Variants in CCAR2 observed in about 807,000 individuals in gnomAD.
CCAR2 encodes the protein cell cycle and apoptosis regulator protein 2.
CCAR2 carries 21 observed loss-of-function variants against 108.1 expected under a neutral mutation model. That is an observed-to-expected ratio of 0.19 (90% confidence interval 0.14 to 0.28). The LOEUF is 0.28. Among genes scored for constraint, CCAR2 ranks in the 10% least tolerant of loss-of-function variants. The pLI is 1.00. For synonymous variants in CCAR2, 577 were observed against 472.8 expected, an observed-to-expected ratio of 1.22 and a Z score of -2.86; for missense variants, 1,126 against 1,177.0, an observed-to-expected ratio of 0.96 and a Z score of 0.63.
Position 22,605,750 on chromosome 8 carries a change from C to T in CCAR2, c.-24C>T, listed in dbSNP as rs1262357406. 6.2e-7 allele frequency: 1 copy of T among 1,610,164 alleles called. No homozygotes were observed. Among genetic ancestry groups the T allele is most frequent in the African/African-American group, 1.3e-5 (1 of 74,784 alleles). ...TTGGATTGAAGCCTTTTCCCCACGA[C>T]TCTGAAAGAGGACAGCGTTCCCAAT... On this transcript the variant is annotated 5_prime_UTR_variant, in exon 2 of 21. Coordinates refer to ENST00000308511, the MANE Select transcript of CCAR2 (RefSeq NM_001393997.1).
In CCAR2 at chr8:22,607,253, C is replaced by G; in HGVS notation, c.415C>G (p.Gln139Glu). The G allele has an allele frequency of 6.2e-7, 1 of 1,613,980 alleles. No homozygotes were observed. The highest frequency in any genetic ancestry group is 8.5e-7 in the Non-Finnish European group (1 of 1,180,020). The change falls in exon 6 of 21, where the codon CAA becomes GAA. Residue 139 changes from glutamine (Q) to glutamate (E), a missense_variant. By Grantham distance (29) the Gln-to-Glu change is conservative (BLOSUM62 2). Coordinates refer to ENST00000308511, the MANE Select transcript of CCAR2 (RefSeq NM_001393997.1). ...LLHVAALGQK[Q>E]GILGAQPQLI... ...GCATGTAGCAGCCCTGGGCCAGAAGCAAGGGATCCTGGGAGCTCAGCCTCA... is the reference window on the plus strand; with the variant it reads ...GCATGTAGCAGCCCTGGGCCAGAAGGAAGGGATCCTGGGAGCTCAGCCTCA...
chr8:22,606,231 G>A (rs1376352361), intron 3 of CCAR2, 55 bp downstream of exon 3: 2 of 1,329,036 alleles, frequency 1.5e-6, no homozygotes, highest in Non-Finnish European at 2.2e-6. Context: ...AATGCATGGA[G>A]GCCTGGTGCT....
chr8:22,607,596 TA>T (rs1256384381), intron 6 of CCAR2, among the ~76,000 whole-genome samples: 1 of 151,434 alleles, frequency 6.6e-6, no homozygotes, highest in African/African-American at 2.4e-5. Context: ...GCTTCCCCCG[TA>T]GCTGGGATTA....
chr8:22,606,398 C>G (rs1346779508), intron 3 of CCAR2, among the ~76,000 whole-genome samples: 2 of 152,172 alleles, frequency 1.3e-5, no homozygotes, highest in Middle Eastern at 3.2e-3. Flanking sequence ...ACTGGAAATC[C>G]CAGAAGAAGC....
chr8:22,608,470 C>T (rs1161754734), intron 7 of CCAR2, among the ~76,000 whole-genome samples: 1 of 152,178 alleles, frequency 6.6e-6, no homozygotes, highest in Non-Finnish European at 1.5e-5. Flanking sequence ...TAAAACGTTT[C>T]TTTATAGACA....
rs146405289 is a variant in CCAR2 at position 22,607,534 on chromosome 8, C to T, written c.487+209C>T. 9.4e-3 allele frequency among the ~76,000 whole-genome samples: 1,341 copies of T among 143,176 alleles called. 15 individuals carry two copies. Among genetic ancestry groups the T allele is most frequent in the African/African-American group, 0.033 (1,264 of 38,462 alleles). 93.9% of individuals were successfully genotyped at this position (143,176 alleles called of 152,430 possible). A position where few individuals can be genotyped will look rare whatever the true frequency, so the allele number is the denominator to read the frequency against. On this transcript the variant is annotated intron_variant, in intron 6 of 20. Transcript: ENST00000308511. ...CCAGGCTGGAGTGCAATGACACGAT[C>T]TCGGCTCATTGCAACCTCTGCCTCC...
At chr8:22,616,308 C>T (rs988736130) in intron 14 of CCAR2, 60 bp downstream of exon 14, 14 of 1,520,938 alleles carry the variant, frequency 9.2e-6, no homozygotes, top group Admixed American at 3.4e-5. Context: ...ACCTTTACCC[C>T]GGGCTCTGTT....
intron 7 of CCAR2, among the ~76,000 whole-genome samples, chr8:22,612,311 A>C (rs915983573): frequency 6.7e-6 from 1 of 150,322 alleles, no homozygotes; most frequent in African/African-American, 2.5e-5. Flanking sequence ...CTCTGTCACC[A>C]GGCTGGAGTG....
Position 22,614,372 on chromosome 8 carries a change from G to GGC in CCAR2, c.928-18_928-17insGC. 3 of 1,613,980 alleles carry GGC rather than the reference G, an allele frequency of 1.9e-6. No homozygotes were observed. The highest frequency in any genetic ancestry group is 2.5e-6 in the Non-Finnish European group (3 of 1,179,842). On this transcript the variant is annotated splice_polypyrimidine_tract_variant and intron_variant, in intron 9 of 20. Coordinates refer to ENST00000308511, the MANE Select transcript of CCAR2 (RefSeq NM_001393997.1). ...TTCTGGAGGCTGAAGGCAGCTCTGA[G>GGC]TGTCTCCTCCTGCACAGGTACTGCT... is the stretch of plus-strand genomic sequence containing the variant.
rs990147823 is a variant in CCAR2, at chr8:22,619,781, A to T, written c.*99A>T. On this transcript the variant is annotated 3_prime_UTR_variant, in exon 21 of 21. Transcript: ENST00000308511. The stretch of plus-strand genomic sequence containing the variant: ...GAAAGCAGCGAGAGCGAGACCTGGG[A>T]GCCAGGGCAGGGGTGGCTGACCCCA... 3 of 1,350,356 alleles carry T rather than the reference A, an allele frequency of 2.2e-6. No individual in the cohort carries two copies. The highest frequency in any genetic ancestry group is 5.0e-5 in the East Asian group (2 of 39,900). The allele number at this position is 1,350,356 out of a possible 1,614,324, so 83.6% of individuals were successfully genotyped here.
rs201435149 is a variant in CCAR2 at position 22,606,202 on chromosome 8, G to C, written c.150+26G>C. On this transcript the variant is annotated intron_variant, in intron 3 of 20. Coordinates refer to ENST00000308511, the MANE Select transcript of CCAR2 (RefSeq NM_001393997.1). The stretch of plus-strand genomic sequence containing the variant: ...GTAGGTTCGGCATCCCTTGTAGTAA[G>C]TTTCAGCCCTTGGGACTGAATGCAT... The C allele has an allele frequency of 5.7e-5, 90 of 1,569,686 alleles. 1 individual carries two copies. The Middle Eastern group carries it at 1.0e-3, about 17-fold the overall frequency.
chr8:22,619,422 G>T (rs1332204421), intron 20 of CCAR2, 67 bp downstream of exon 20: 24 of 1,522,558 alleles, frequency 1.6e-5, no homozygotes, highest in Non-Finnish European at 2.0e-5. Context: ...CCCCAGAAGG[G>T]CGCTTGCCCG....
At chr8:22,615,959 C>A (rs1326591008) in intron 13 of CCAR2, 47 bp downstream of exon 13, 3 of 1,612,262 alleles carry the variant, frequency 1.9e-6, no homozygotes, top group African/African-American at 2.7e-5. Context: ...GATTTGTGGG[C>A]CTGAAGCAGT....
rs1334215279 is a variant in CCAR2 at position 22,618,373 on chromosome 8, G to A, written c.2098G>A (p.Val700Met). The A allele has an allele frequency of 1.2e-6, 2 of 1,614,136 alleles. No individual in the cohort carries two copies. Among genetic ancestry groups the A allele is most frequent in the East Asian group, 2.2e-5 (1 of 44,896 alleles). Residue 700 changes from valine (V) to methionine (M), a missense_variant, in exon 17 of 21, where the codon GTG becomes ATG. Physicochemically the swap from Val to Met is conservative, Grantham distance 21. Around this residue, in one of 4 missense-constraint regions of CCAR2, gnomAD observed 1,013 missense variants for 993.9 expected, o/e 1.02. Coordinates refer to ENST00000308511, the MANE Select transcript of CCAR2 (RefSeq NM_001393997.1). ...DMPKELDPSA[V>M]LPLDCLLAFV... is the part of the protein sequence containing the mutation. ...GCCCAAGGAGCTGGATCCCTCTGCT[G>A]TGCTCCCCTTAGACTGTCTGCTTGC...
At chr8:22,611,161 A>G (rs1801258968) in intron 7 of CCAR2, among the ~76,000 whole-genome samples, 1 of 151,576 alleles carries the variant, frequency 6.6e-6, no homozygotes, top group Non-Finnish European at 1.5e-5. Flanking sequence ...AGGAGTTCAA[A>G]ACCAGCCTGG....
Position 22,615,481 on chromosome 8 carries a change from CAGT to C in CCAR2, c.1263_1265del (p.Val424del), listed in dbSNP as rs755147855. Reference sequence around the variant, plus strand: ...CCGGGACCCCCCCGGCGGCTTCAGACAGTGGTGGTGTACCTGCCGGATGTCTGG... The same window carrying C: ...CCGGGACCCCCCCGGCGGCTTCAGACGGTGGTGTACCTGCCGGATGTCTGG... On this transcript the variant is annotated inframe_deletion, in exon 12 of 21. Transcript: ENST00000308511. 43 of 1,613,854 alleles carry C rather than the reference CAGT, an allele frequency of 2.7e-5. No homozygotes were observed. Among genetic ancestry groups the C allele is most frequent in the Middle Eastern group, 3.3e-4 (2 of 6,084 alleles).
In CCAR2 at chr8:22,617,876, C is replaced by T; in HGVS notation, c.2073+98C>T. 2.4e-6 allele frequency: 3 copies of T among 1,260,722 alleles called. No individual in the cohort carries two copies. In the South Asian group the frequency reaches 3.7e-5, roughly 16 times the overall value. The allele number at this position is 1,260,722 out of a possible 1,614,324, so 78.1% of individuals were successfully genotyped here. A position where few individuals can be genotyped will look rare whatever the true frequency, so the allele number is the denominator to read the frequency against. On this transcript the variant is annotated intron_variant, in intron 16 of 20. Coordinates refer to ENST00000308511, the MANE Select transcript of CCAR2 (RefSeq NM_001393997.1). ...GAGAAGGATGCTTACCAGTGACTTC[C>T]TTTCTTGATGGACCCAACACACAGT...
At position 22,615,848 on chromosome 8, in the gene CCAR2, G is replaced by A; in HGVS notation, c.1544G>A (p.Cys515Tyr). The stretch of plus-strand genomic sequence containing the variant: ...CCTGCTGTCATCGCACGCCCTGGCT[G>A]TGTAAACCTGTCCCTCCATGGGATT... ...LEPAVIARPGCVNLSLHGIVE... is the reference protein window; with the variant it reads ...LEPAVIARPGYVNLSLHGIVE... The change falls in exon 13 of 21, where the codon TGT (cysteine) becomes TAT (tyrosine). Residue 515 changes from cysteine to tyrosine, a missense_variant. Physicochemically the swap from Cys to Tyr is radical, Grantham distance 194. Around this residue, in one of 4 missense-constraint regions of CCAR2, gnomAD observed 1,013 missense variants for 993.9 expected, o/e 1.02. Coordinates refer to ENST00000308511, the MANE Select transcript of CCAR2 (RefSeq NM_001393997.1). The A allele has an allele frequency of 1.2e-6, 2 of 1,614,030 alleles. No homozygotes were observed. The highest frequency in any genetic ancestry group is 1.7e-6 in the Non-Finnish European group (2 of 1,180,032).
intron 8 of CCAR2, 73 bp downstream of exon 8, chr8:22,613,209 A>T: frequency 7.1e-7 from 1 of 1,416,958 alleles, no homozygotes; most frequent in Non-Finnish European, 9.3e-7. Context: ...GATGGCGTCT[A>T]TGCAAGTGCA....
Sources: gnomAD v4.1 joint callset for allele counts (sites outside exome capture counted in the v4.1 genomes callset) on GRCh38, gnomAD v4.1.1 for gene constraint, gnomAD v4.1.1 regional missense constraint, MANE v1.5 for transcripts, NCBI Gene and HGNC (gene_info 2026-07-23, HGNC 2026-07-21) for gene names.